Variants in LMO3 observed in about 807,000 individuals in gnomAD.
LMO3 encodes the protein LIM domain only protein 3.
Under a neutral mutation model 15.8 loss-of-function variants are expected in LMO3, and 2 were observed. The ratio of observed to expected loss-of-function variants is 0.13; its 90% CI spans 0.05 to 0.40. LMO3 has a LOEUF of 0.40. LMO3 is among the 10% of genes least tolerant of loss of function. The pLI is 0.99. For synonymous variants in LMO3, 62 were observed against 63.8 expected (o/e 0.97, Z 0.13); for missense variants, 86 against 182.2 (o/e 0.47, Z 3.04).
Position 16,603,127 on chromosome 12 carries a change from T to A in LMO3, c.-8-2259A>T, listed in dbSNP as rs1443291623. 6.6e-6 allele frequency among the ~76,000 whole-genome samples: 1 copy of A among 152,196 alleles called. No homozygotes were observed. The highest frequency in any genetic ancestry group is 1.5e-5 in the Non-Finnish European group (1 of 68,024). On this transcript the variant is annotated intron_variant, in intron 1 of 3. Transcript: ENST00000537304. This position sits in a 1 kb window ranked among gnomAD's most constrained non-coding sequence, Gnocchi z 4.9. Reference sequence around the variant, plus strand: ...AGGGGATACCAACATTTGGCACAAGTAACACTACCCTACTTGTCTTCACAA... The same window carrying A: ...AGGGGATACCAACATTTGGCACAAGAAACACTACCCTACTTGTCTTCACAA...
At chr12:16,588,761 C>T (rs1943401528) in intron 2 of LMO3, among the ~76,000 whole-genome samples, 1 of 152,072 alleles carries the variant, frequency 6.6e-6, no homozygotes, top group African/African-American at 2.4e-5. Context: ...TGGTAAACGA[C>T]CTCATTATAC....
Position 16,551,121 on chromosome 12 carries a change from C to G in LMO3, c.*101G>C. On this transcript the variant is annotated 3_prime_UTR_variant, in exon 4 of 4. Transcript: ENST00000537304. ...TAACCATCCTGCCTTCCTATATCTACGCTATTCAGTAGGTTCCTGTGTCAA... is the reference window on the plus strand; with the variant it reads ...TAACCATCCTGCCTTCCTATATCTAGGCTATTCAGTAGGTTCCTGTGTCAA... 1 of 770,776 alleles carries G rather than the reference C, an allele frequency of 1.3e-6. No individual in the cohort carries two copies. Among genetic ancestry groups the G allele is most frequent in the Non-Finnish European group, 2.3e-6 (1 of 438,522 alleles). The allele number at this position is 770,776 out of a possible 1,614,324, so 47.7% of individuals were successfully genotyped here.
chr12:16,578,749 C>T (rs932677367), intron 2 of LMO3, among the ~76,000 whole-genome samples: 2 of 151,762 alleles, frequency 1.3e-5, no homozygotes, highest in East Asian at 3.9e-4. Flanking sequence ...ACCTGGGAGG[C>T]GGAGTTTGCA....
chr12:16,587,998 G>A lies in LMO3; in HGVS notation c.206+12657C>T, dbSNP rs530369721. Among the ~76,000 whole-genome samples, 4 of 152,160 alleles carry A rather than the reference G, an allele frequency of 2.6e-5. No homozygotes were observed. The highest frequency in any genetic ancestry group is 9.6e-5 in the African/African-American group (4 of 41,526). On this transcript the variant is annotated intron_variant, in intron 2 of 3. Coordinates refer to ENST00000537304, the MANE Select transcript of LMO3 (RefSeq NM_018640.5). The surrounding 1 kb of genome is among the most constrained non-coding windows in gnomAD (Gnocchi z 4.3). Reference sequence around the variant, plus strand: ...TCCCTTTCTTTCAGATAATTACCCTGTCTTTCTCTTACGACTTCTTTCCCA... The same window carrying A: ...TCCCTTTCTTTCAGATAATTACCCTATCTTTCTCTTACGACTTCTTTCCCA...
rs1216370929 is a variant in LMO3, at chr12:16,591,274, T to C, written c.206+9381A>G. ...CCCACCTCAGGGCCTTTGTACTGGATGTTCCTGAGCCCAGAATGTCCTTCC... is the reference window on the plus strand; with the variant it reads ...CCCACCTCAGGGCCTTTGTACTGGACGTTCCTGAGCCCAGAATGTCCTTCC... On this transcript the variant is annotated intron_variant, in intron 2 of 3. Transcript: ENST00000537304. The surrounding 1 kb of genome is among the most constrained non-coding windows in gnomAD (Gnocchi z 4.1). Among the ~76,000 whole-genome samples the C allele has an allele frequency of 1.3e-5, 2 of 151,996 alleles. No homozygotes were observed. The highest frequency in any genetic ancestry group is 2.9e-5 in the Non-Finnish European group (2 of 67,954).
chr12:16,576,005 A>AC lies in LMO3; in HGVS notation c.207-15468dup. 6.6e-6 allele frequency among the ~76,000 whole-genome samples: 1 copy of AC among 151,848 alleles called. No individual in the cohort carries two copies. Among genetic ancestry groups the AC allele is most frequent in the African/African-American group, 2.4e-5 (1 of 41,372 alleles). On this transcript the variant is annotated intron_variant, in intron 2 of 3. Transcript: ENST00000537304. The surrounding 1 kb of genome is among the most constrained non-coding windows in gnomAD (Gnocchi z 4.1). ...CTTTGAATTTGCCTCCTCTTCTCAG[A>AC]CCCCCAAATCTAGCCCTGCCGCTGT...
chr12:16,560,673 C>T lies in LMO3; in HGVS notation c.207-135G>A. The T allele has an allele frequency of 1.3e-6, 1 of 741,722 alleles. No homozygotes were observed. Among genetic ancestry groups the T allele is most frequent in the South Asian group, 1.8e-5 (1 of 54,962 alleles). 45.9% of individuals were successfully genotyped at this position (741,722 alleles called of 1,614,324 possible). A position where few individuals can be genotyped will look rare whatever the true frequency, so the allele number is the denominator to read the frequency against. On this transcript the variant is annotated intron_variant, in intron 2 of 3. Transcript: ENST00000537304. This position sits in a 1 kb window ranked among gnomAD's most constrained non-coding sequence, Gnocchi z 5.0. ...ATGATGTACACAAGTGGATTTTATC[C>T]TAGGTGTATGCATAAATATTCTTCT...
At chr12:16,567,758 G>T (rs1306730240) in intron 2 of LMO3, among the ~76,000 whole-genome samples, 1 of 151,968 alleles carries the variant, frequency 6.6e-6, no homozygotes, top group Non-Finnish European at 1.5e-5. Flanking sequence ...TTGGTAAGTT[G>T]GTATTTTAAG....
chr12:16,572,893 C>A (rs77287476), intron 2 of LMO3, among the ~76,000 whole-genome samples: 4,056 of 151,452 alleles, frequency 0.027, 180 homozygotes, highest in African/African-American at 0.093. Flanking sequence ...ATTTATTCAC[C>A]TAATTTTTAA....
chr12:16,586,599 G>A lies in LMO3; in HGVS notation c.206+14056C>T, dbSNP rs962012491. Among the ~76,000 whole-genome samples the A allele has an allele frequency of 6.6e-6, 1 of 152,160 alleles. No individual in the cohort carries two copies. The highest frequency in any genetic ancestry group is 2.4e-5 in the African/African-American group (1 of 41,440). ...AAGACACTGCATTTCATCTTTGGAC[G>A]TCCTTTCTTGGCAGGACCACTTGTC... On this transcript the variant is annotated intron_variant, in intron 2 of 3. Coordinates refer to ENST00000537304, the MANE Select transcript of LMO3 (RefSeq NM_018640.5). The surrounding 1 kb of genome is among the most constrained non-coding windows in gnomAD (Gnocchi z 4.3).
chr12:16,553,653 C>T (rs1324189775), intron 3 of LMO3, among the ~76,000 whole-genome samples: 2 of 152,044 alleles, frequency 1.3e-5, no homozygotes, highest in African/African-American at 2.4e-5. Context: ...ACAAAACAGC[C>T]TTGAAAGCTG....
chr12:16,556,574 G>A (rs1473308110), intron 3 of LMO3, among the ~76,000 whole-genome samples: 4 of 152,160 alleles, frequency 2.6e-5, no homozygotes, highest in Admixed American at 2.6e-4. Context: ...AACTTTAGAC[G>A]TCAATAAAGT....
At position 16,583,789 on chromosome 12, in the gene LMO3, G is replaced by A. The variant is rs147978299; in HGVS notation, c.206+16866C>T. Among the ~76,000 whole-genome samples the A allele has an allele frequency of 1.1e-3, 168 of 152,274 alleles. 4 individuals are homozygous for A. The highest frequency in any genetic ancestry group is 1.4e-3 in the East Asian group (7 of 5,182). ...GTGAAAATTGAGCTAGCACAGGCAT[G>A]GGAGGAGACACAGAAGATGGAAGTG... On this transcript the variant is annotated intron_variant, in intron 2 of 3. Coordinates refer to ENST00000537304, the MANE Select transcript of LMO3 (RefSeq NM_018640.5).
At position 16,598,211 on chromosome 12, in the gene LMO3, A is replaced by G. The variant is rs1015354616; in HGVS notation, c.206+2444T>C. The G allele has an allele frequency of 3.9e-5, 6 of 152,082 alleles. No homozygotes were observed. Among genetic ancestry groups the G allele is most frequent in the Non-Finnish European group, 8.8e-5 (6 of 67,962 alleles). 9.4% of individuals were successfully genotyped at this position (152,082 alleles called of 1,614,324 possible). A position where few individuals can be genotyped will look rare whatever the true frequency, so the allele number is the denominator to read the frequency against. Reference sequence around the variant, plus strand: ...CACTGAGACACATGCTTTCCACATAAAACTAAATACCACATCTGCGGCATA... The same window carrying G: ...CACTGAGACACATGCTTTCCACATAGAACTAAATACCACATCTGCGGCATA... On this transcript the variant is annotated intron_variant, in intron 2 of 3. Transcript: ENST00000537304. This position sits in a 1 kb window ranked among gnomAD's most constrained non-coding sequence, Gnocchi z 4.3.
At chr12:16,590,985 A>G (rs980690859) in intron 2 of LMO3, among the ~76,000 whole-genome samples, 2 of 152,098 alleles carry the variant, frequency 1.3e-5, no homozygotes, top group African/African-American at 2.4e-5. Flanking sequence ...ATCTCATTCA[A>G]TTCAGCAGAT....
chr12:16,584,820 G>A lies in LMO3; in HGVS notation c.206+15835C>T, dbSNP rs1943267309. 6.6e-6 allele frequency among the ~76,000 whole-genome samples: 1 copy of A among 152,182 alleles called. No homozygotes were observed. Among genetic ancestry groups the A allele is most frequent in the Admixed American group, 6.5e-5 (1 of 15,268 alleles). On this transcript the variant is annotated intron_variant, in intron 2 of 3. Transcript: ENST00000537304. The surrounding 1 kb of genome is among the most constrained non-coding windows in gnomAD (Gnocchi z 5.2). ...CCCAGGAGATTTCTGAAGCAGGAGTGTAACTGGTATACATTGGATGAAGGG... is the reference window on the plus strand; with the variant it reads ...CCCAGGAGATTTCTGAAGCAGGAGTATAACTGGTATACATTGGATGAAGGG...
In LMO3 at chr12:16,555,840, A is replaced by G. The variant is rs1310986223; in HGVS notation, c.333-4513T>C. Among the ~76,000 whole-genome samples the G allele has an allele frequency of 3.3e-5, 5 of 151,728 alleles. No homozygotes were observed. Among genetic ancestry groups the G allele is most frequent in the Admixed American group, 3.3e-4 (5 of 15,230 alleles). ...CTCCCTGGCTCCCTCATCTTCCCCA[A>G]CCCCGAGCAGACACACTTCCTGTAA... On this transcript the variant is annotated intron_variant, in intron 3 of 3. Coordinates refer to ENST00000537304, the MANE Select transcript of LMO3 (RefSeq NM_018640.5). This position sits in a 1 kb window ranked among gnomAD's most constrained non-coding sequence, Gnocchi z 5.5.
At position 16,551,171 on chromosome 12, in the gene LMO3, A is replaced by AAGAT; in HGVS notation, c.*47_*50dup. The stretch of plus-strand genomic sequence containing the variant: ...ATTCTTATGTACATGTGGAGCAAAA[A>AAGAT]AGATAAAAGAATGTAGTGCTTTGTA... On this transcript the variant is annotated 3_prime_UTR_variant, in exon 4 of 4. Transcript: ENST00000537304. The AAGAT allele has an allele frequency of 8.5e-7, 1 of 1,178,830 alleles. No individual in the cohort carries two copies. Among genetic ancestry groups the AAGAT allele is most frequent in the East Asian group, 2.3e-5 (1 of 42,816 alleles). The allele number at this position is 1,178,830 out of a possible 1,614,324, so 73.0% of individuals were successfully genotyped here. A position where few individuals can be genotyped will look rare whatever the true frequency, so the allele number is the denominator to read the frequency against.
intron 2 of LMO3, chr12:16,594,180 G>T (rs1342520625): frequency 3.3e-6 from 5 of 1,532,790 alleles, no homozygotes; most frequent in Non-Finnish European, 4.4e-6. Flanking sequence ...ATGACAAAAG[G>T]TAATGGCCAT....
Sources: allele counts gnomAD v4.1 joint callset (sites outside exome capture counted in the v4.1 genomes callset), GRCh38; gene constraint gnomAD v4.1.1; non-coding constraint Gnocchi (gnomAD v3.1); transcripts MANE v1.5; gene names NCBI Gene and HGNC (gene_info 2026-07-23, HGNC 2026-07-21).